KLHL8: variants seen among roughly 807,000 people sequenced by gnomAD.
The protein encoded by KLHL8 is kelch-like protein 8.
Under a neutral mutation model 63.5 loss-of-function variants are expected in KLHL8, and 38 were observed. The ratio of observed to expected loss-of-function variants is 0.60; its 90% confidence interval spans 0.46 to 0.78. The LOEUF is 0.78. Ranked by LOEUF, KLHL8 falls within the 30% of genes least tolerant of loss-of-function variation. The pLI, the probability that KLHL8 is intolerant of heterozygous loss-of-function variation, is 0.00. For synonymous variants in KLHL8, 224 were observed against 254.3 expected (o/e 0.88, Z 1.13); for missense variants, 566 against 752.4 (o/e 0.75, Z 2.90).
chr4:87,190,462 T>C (rs953284954), intron 2 of KLHL8, among the ~76,000 whole-genome samples: 4 of 152,088 alleles, frequency 2.6e-5, no homozygotes, highest in Non-Finnish European at 5.9e-5. Flanking sequence ...CTGGCCAACA[T>C]GGTGAAACCC....
At chr4:87,193,676 C>T (rs1731581749) in intron 2 of KLHL8, among the ~76,000 whole-genome samples, 1 of 152,030 alleles carries the variant, frequency 6.6e-6, no homozygotes, top group Admixed American at 6.6e-5. Context: ...TGTGTTATAC[C>T]TTTTATACAA....
Position 87,163,919 on chromosome 4 carries a change from T to A in KLHL8, c.1698A>T (p.Ala566=). The A allele has an allele frequency of 6.2e-7, 1 of 1,614,164 alleles. No homozygotes were observed. The highest frequency in any genetic ancestry group is 2.2e-5 in the East Asian group (1 of 44,882). Residue 566 remains alanine, a synonymous_variant, in exon 9 of 10, where the codon GCA becomes GCT. Coordinates refer to ENST00000273963, the MANE Select transcript of KLHL8 (RefSeq NM_020803.5). ...IFAVGGHNGN[A]YLNTVEAFDP... ...CAAACGCTTCTACTGTATTTAAGTA[T>A]GCATTGCCATTATGACCACCAACTG...
At chr4:87,229,197 G>C (rs1295990542) in intron 1 of KLHL8, among the ~76,000 whole-genome samples, 1 of 151,968 alleles carries the variant, frequency 6.6e-6, no homozygotes, top group African/African-American at 2.4e-5. Context: ...AAGGCCAGAG[G>C]GTAATTAGAT....
rs549359914 is a variant in KLHL8 at position 87,170,209 on chromosome 4, A to G, written c.1407T>C (p.Asp469=). ...VNHVYAVGGN[D]GMASLSSVER... The stretch of plus-strand genomic sequence containing the variant: ...CCACGCTAGATAAAGAAGCCATTCC[A>G]TCATTGCCACCTACTGCATAAACAT... Residue 469 remains aspartate (D), a synonymous_variant, in exon 8 of 10, where the codon GAT becomes GAC. Transcript: ENST00000273963. 1 of 1,613,668 alleles carries G rather than the reference A, an allele frequency of 6.2e-7. No individual in the cohort carries two copies. The highest frequency in any genetic ancestry group is 8.5e-7 in the Non-Finnish European group (1 of 1,179,802).
Position 87,220,602 on chromosome 4 carries a change from C to G in KLHL8, c.-336G>C, listed in dbSNP as rs945242891. 7 of 152,048 alleles carry G rather than the reference C, an allele frequency of 4.6e-5. No homozygotes were observed. Among genetic ancestry groups the G allele is most frequent in the Non-Finnish European group, 1.0e-4 (7 of 68,002 alleles). 9.4% of individuals were successfully genotyped at this position (152,048 alleles called of 1,614,324 possible). On this transcript the variant is annotated 5_prime_UTR_variant, in exon 1 of 10. Transcript: ENST00000273963. ...CTTGGCGTCCTCTCGCCTCAGCCCC[C>G]GCGAGCCGCGGCCTCTGGGGGCGGG...
intron 1 of KLHL8, chr4:87,220,209 G>C (rs1168376939): frequency 6.6e-6 from 1 of 152,550 alleles, no homozygotes. Context: ...ATCTCCTGCT[G>C]TCCGGGCCCC....
intron 2 of KLHL8, among the ~76,000 whole-genome samples, chr4:87,186,556 T>C (rs1017638969): frequency 5.3e-5 from 8 of 151,960 alleles, no homozygotes; most frequent in African/African-American, 1.9e-4. Context: ...CATGGCTCAT[T>C]GCAGCCTCAA....
At chr4:87,214,162 G>T (rs1294901970) in intron 1 of KLHL8, among the ~76,000 whole-genome samples, 1 of 150,188 alleles carries the variant, frequency 6.7e-6, no homozygotes, top group African/African-American at 2.4e-5. Flanking sequence ...ACATGAGATT[G>T]CAATTATTAG....
intron 1 of KLHL8, among the ~76,000 whole-genome samples, chr4:87,219,310 C>G (rs1316449911): frequency 6.6e-6 from 1 of 152,138 alleles, no homozygotes; most frequent in African/African-American, 2.4e-5. Context: ...GAGAAAGATG[C>G]GCGAAGAGGA....
intron 7 of KLHL8, 104 bp from the exon 8 acceptor site, chr4:87,170,342 T>C: frequency 7.0e-7 from 1 of 1,425,320 alleles, no homozygotes; most frequent in South Asian, 1.4e-5. Flanking sequence ...GGAAATAATA[T>C]GATATATAAT....
intron 6 of KLHL8, among the ~76,000 whole-genome samples, chr4:87,174,718 T>C (rs1335303134): frequency 2.0e-5 from 3 of 152,210 alleles, no homozygotes; most frequent in African/African-American, 7.2e-5. Context: ...ATACAAATTA[T>C]TAAGCTCAGT....
intron 1 of KLHL8, among the ~76,000 whole-genome samples, chr4:87,217,510 C>T (rs114300218): frequency 0.011 from 1,739 of 151,714 alleles, 39 homozygotes; most frequent in African/African-American, 0.04. Flanking sequence ...AATTTTTGTT[C>T]GTTTGTTTGT....
chr4:87,171,571 G>C (rs1477612256), intron 6 of KLHL8, among the ~76,000 whole-genome samples: 1 of 152,190 alleles, frequency 6.6e-6, no homozygotes, highest in Non-Finnish European at 1.5e-5. Context: ...GTTCAGGTGT[G>C]TGAGAACAAG....
intron 1 of KLHL8, among the ~76,000 whole-genome samples, chr4:87,237,975 G>T (rs935934434): frequency 3.9e-5 from 6 of 152,028 alleles, no homozygotes; most frequent in Admixed American, 6.6e-5. Context: ...TTGCTGTGTC[G>T]CCCAGGCTGG....
At chr4:87,238,849 G>C (rs1241430193) in intron 1 of KLHL8, among the ~76,000 whole-genome samples, 1 of 152,102 alleles carries the variant, frequency 6.6e-6, no homozygotes, top group Non-Finnish European at 1.5e-5. Flanking sequence ...GTATAAATTG[G>C]CTCCATGAGA....
intron 5 of KLHL8, 97 bp from the exon 6 acceptor site, chr4:87,176,965 T>G: frequency 1.6e-6 from 1 of 608,730 alleles, no homozygotes; most frequent in Non-Finnish European, 2.8e-6. Context: ...AATATCACCA[T>G]AAGTTAATTT....
chr4:87,201,066 T>C (rs1462168095), intron 1 of KLHL8, among the ~76,000 whole-genome samples: 1 of 152,176 alleles, frequency 6.6e-6, no homozygotes, highest in East Asian at 1.9e-4. Context: ...CTGATTCCAC[T>C]TATATGAGAT....
upstream of KLHL8, among the ~76,000 whole-genome samples, chr4:87,223,070 C>T (rs1440403097): frequency 6.6e-6 from 1 of 152,120 alleles, no homozygotes; most frequent in Non-Finnish European, 1.5e-5. Flanking sequence ...GATTCTCCCA[C>T]CTCCCGAGTA....
At chr4:87,166,185 A>G (rs1024006233) in intron 8 of KLHL8, among the ~76,000 whole-genome samples, 5 of 152,240 alleles carry the variant, frequency 3.3e-5, no homozygotes, top group Non-Finnish European at 5.9e-5. Flanking sequence ...TCTTGACTAC[A>G]TTACAGAGCT....
Sources: allele counts gnomAD v4.1 joint callset (sites outside exome capture counted in the v4.1 genomes callset), GRCh38; gene constraint gnomAD v4.1.1; transcripts MANE v1.5; gene names NCBI Gene and HGNC (gene_info 2026-07-23, HGNC 2026-07-21).